TSPAN7: variants seen among roughly 807,000 people sequenced by gnomAD.
The protein encoded by TSPAN7 is tetraspanin 7.
A neutral mutation model predicts 17.6 loss-of-function variants in TSPAN7; 1 was observed. The ratio of observed to expected loss-of-function variants is 0.06; its 90% confidence interval spans 0.02 to 0.27. The LOEUF (loss-of-function observed/expected upper bound fraction) is 0.27, where lower values mean the gene tolerates loss of function less well. Ranked by LOEUF, TSPAN7 falls within the 10% of genes least tolerant of loss-of-function variation. The probability of loss-of-function intolerance (pLI) is 1.00; values close to 1 mark genes in which losing one functional copy is unlikely to be tolerated. For missense variants in TSPAN7, 112 were observed against 201.7 expected (o/e 0.56, Z 2.69); for synonymous variants, 78 against 79.0 (o/e 0.99, Z 0.07).
intron 1 of TSPAN7, among the ~76,000 whole-genome samples, chrX:38,614,803 T>C (rs140248288): frequency 2.0e-3 from 222 of 112,055 alleles, no homozygotes; most frequent in African/African-American, 6.5e-3. Flanking sequence ...GGTGATATTG[T>C]GCAGTAATGA....
intron 1 of TSPAN7, among the ~76,000 whole-genome samples, chrX:38,655,550 C>T (rs2069698641): frequency 9.1e-6 from 1 of 110,487 alleles, no homozygotes; most frequent in African/African-American, 3.3e-5. Flanking sequence ...GAGAATCCTA[C>T]CTTACTATTT....
intron 1 of TSPAN7, among the ~76,000 whole-genome samples, chrX:38,587,080 C>T: frequency 1.8e-5 from 2 of 112,336 alleles, no homozygotes; most frequent in South Asian, 7.4e-4. Context: ...GATGTCACAA[C>T]TGAAGAGGAA....
intron 5 of TSPAN7, 38 bp downstream of exon 5, chrX:38,675,898 G>A: frequency 8.4e-7 from 1 of 1,194,110 alleles, no homozygotes; most frequent in South Asian, 1.8e-5. Flanking sequence ...GACCAGTGGT[G>A]AATGTTTGGG....
intron 1 of TSPAN7, among the ~76,000 whole-genome samples, chrX:38,569,613 T>C (rs1257806932): frequency 9.0e-6 from 1 of 111,195 alleles, no homozygotes; most frequent in African/African-American, 3.3e-5. Flanking sequence ...CCTGAGTCTT[T>C]TGGGGATGTT....
intron 1 of TSPAN7, among the ~76,000 whole-genome samples, chrX:38,579,700 T>G (rs2069217446): frequency 8.9e-6 from 1 of 111,911 alleles, no homozygotes; most frequent in African/African-American, 3.3e-5. Context: ...GTGATGTATT[T>G]CAAATGTAAT....
intron 6 of TSPAN7, 82 bp from the exon 7 acceptor site, chrX:38,687,517 A>G: frequency 1.1e-6 from 1 of 899,375 alleles, no homozygotes; most frequent in Non-Finnish European, 1.6e-6. Context: ...CCCCATAAAT[A>G]TATAAAATTA....
intron 5 of TSPAN7, 24 bp from the exon 6 acceptor site, chrX:38,681,180 A>G: frequency 8.4e-7 from 1 of 1,184,745 alleles, no homozygotes; most frequent in Admixed American, 2.2e-5. Flanking sequence ...ACATGTCTCC[A>G]AGACAGTGTC....
At chrX:38,615,034 C>G (rs181027328) in intron 1 of TSPAN7, among the ~76,000 whole-genome samples, 1 of 110,489 alleles carries the variant, frequency 9.1e-6, no homozygotes, top group East Asian at 2.8e-4. Context: ...ATTGTTCAGA[C>G]CAAATTATGT....
chrX:38,602,604 G>A (rs1021018677), intron 1 of TSPAN7, among the ~76,000 whole-genome samples: 1 of 112,270 alleles, frequency 8.9e-6, no homozygotes, highest in African/African-American at 3.2e-5. Flanking sequence ...AGTAGTCAAA[G>A]AAAGGCAAAC....
At chrX:38,596,825 C>CT (rs1180221986) in intron 1 of TSPAN7, among the ~76,000 whole-genome samples, 2 of 111,352 alleles carry the variant, frequency 1.8e-5, no homozygotes, top group Non-Finnish European at 3.8e-5. Context: ...CCTTTTCATT[C>CT]TTTTTTTCTG....
chrX:38,569,806 G>A (rs781717417), intron 1 of TSPAN7, among the ~76,000 whole-genome samples: 5 of 111,638 alleles, frequency 4.5e-5, no homozygotes, highest in Non-Finnish European at 9.4e-5. Flanking sequence ...TGTTCAATCC[G>A]TCATCTTTAA....
intron 1 of TSPAN7, among the ~76,000 whole-genome samples, chrX:38,579,094 C>T (rs2069212668): frequency 9.0e-6 from 1 of 111,347 alleles, no homozygotes; most frequent in African/African-American, 3.3e-5. Context: ...AGGTGTTTTC[C>T]TTCTTTTATA....
intron 6 of TSPAN7, among the ~76,000 whole-genome samples, chrX:38,685,965 T>C (rs778633404): frequency 7.1e-5 from 8 of 112,261 alleles, no homozygotes; most frequent in African/African-American, 2.3e-4. Context: ...ATTTTTGACA[T>C]TATCAAGTGT....
At chrX:38,565,421 G>T (rs7058510) in intron 1 of TSPAN7, among the ~76,000 whole-genome samples, 14,937 of 110,774 alleles carry the variant, frequency 0.13, 1,727 homozygotes, top group African/African-American at 0.37. Context: ...GTAGAGACGG[G>T]GTTTCACCAT....
At chrX:38,620,827 G>T (rs12556777) in intron 1 of TSPAN7, among the ~76,000 whole-genome samples, 26,104 of 111,496 alleles carry the variant, frequency 0.23, 2,870 homozygotes, top group East Asian at 0.65. Flanking sequence ...ACTTCTGATT[G>T]GTCTCTGCCC....
chrX:38,667,706 G>A (rs1176217288), intron 2 of TSPAN7, among the ~76,000 whole-genome samples: 2 of 112,170 alleles, frequency 1.8e-5, no homozygotes, highest in Non-Finnish European at 3.8e-5. Context: ...CCATAATGAG[G>A]CCCATCCTGA....
intron 1 of TSPAN7, among the ~76,000 whole-genome samples, chrX:38,581,069 T>G (rs898641890): frequency 1.8e-5 from 2 of 112,328 alleles, no homozygotes; most frequent in African/African-American, 6.5e-5. Flanking sequence ...GTAGAAAACT[T>G]AGGCCAGGTC....
intron 1 of TSPAN7, chrX:38,646,333 G>T: frequency 8.7e-7 from 1 of 1,144,669 alleles, no homozygotes; most frequent in Non-Finnish European, 1.2e-6. Flanking sequence ...TTTGTTGCAG[G>T]GTTGGCTCCT....
At chrX:38,565,103 A>C (rs1448880740) in intron 1 of TSPAN7, among the ~76,000 whole-genome samples, 1 of 112,343 alleles carries the variant, frequency 8.9e-6, no homozygotes, top group African/African-American at 3.2e-5. Context: ...CAGTAAATGC[A>C]GTTGGTAAAT....
Sources: allele counts gnomAD v4.1 joint callset (sites outside exome capture counted in the v4.1 genomes callset), GRCh38; gene constraint gnomAD v4.1.1; transcripts MANE v1.5; gene names NCBI Gene and HGNC (gene_info 2026-07-23, HGNC 2026-07-21).